WDR35: variants seen among roughly 807,000 people sequenced by gnomAD.
WDR35 encodes the protein WD repeat-containing protein 35.
A neutral mutation model predicts 158.3 loss-of-function variants in WDR35; 118 were observed. The observed-to-expected ratio is 0.75, with a 90% CI of 0.64 to 0.87. The LOEUF is 0.87. Among genes scored for constraint, WDR35 ranks in the 40% least tolerant of loss-of-function variants. The probability of loss-of-function intolerance (pLI) is 0.00; values close to 1 mark genes in which losing one functional copy is unlikely to be tolerated. For synonymous variants in WDR35, 448 were observed against 476.1 expected, an observed-to-expected ratio of 0.94 and a Z score of 0.77; for missense variants, 1,263 against 1,405.8, an observed-to-expected ratio of 0.90 and a Z score of 1.62.
At chr2:19,961,928 C>T (rs2103437735) in intron 10 of WDR35, among the ~76,000 whole-genome samples, 1 of 152,286 alleles carries the variant, frequency 6.6e-6, no homozygotes, top group Non-Finnish European at 1.5e-5. Flanking sequence ...GGCATCCATC[C>T]ACTTTACAGT....
At chr2:19,970,084 A>G (rs1671990854) in intron 8 of WDR35, among the ~76,000 whole-genome samples, 1 of 152,180 alleles carries the variant, frequency 6.6e-6, no homozygotes. Flanking sequence ...ACATGCATAT[A>G]AGAAAAATTT....
intron 25 of WDR35, among the ~76,000 whole-genome samples, chr2:19,927,694 CA>C (rs778544756): frequency 6.6e-6 from 1 of 152,214 alleles, no homozygotes; most frequent in Non-Finnish European, 1.5e-5. Flanking sequence ...GGACACTCTA[CA>C]AACTTGTTTT....
intron 8 of WDR35, 71 bp downstream of exon 8, chr2:19,973,491 GT>G (rs1672091638): frequency 1.3e-6 from 2 of 1,596,486 alleles, no homozygotes; most frequent in Middle Eastern, 1.7e-4. Context: ...CGTTTCCTTT[GT>G]TATTTTTTCC....
At chr2:19,961,567 G>A (rs1475076999) in intron 10 of WDR35, among the ~76,000 whole-genome samples, 1 of 152,154 alleles carries the variant, frequency 6.6e-6, no homozygotes, top group South Asian at 2.1e-4. Flanking sequence ...ATTGCAAAAG[G>A]AGATGAAACA....
chr2:19,980,155 G>A (rs1430422895), intron 4 of WDR35, among the ~76,000 whole-genome samples: 1 of 152,168 alleles, frequency 6.6e-6, no homozygotes, highest in African/African-American at 2.4e-5. Context: ...TACTAAATGT[G>A]TTTTTATCTA....
chr2:19,962,418 A>G, intron 10 of WDR35: 2 of 1,260,942 alleles, frequency 1.6e-6, no homozygotes, highest in Non-Finnish European at 2.3e-6. Flanking sequence ...AGTGGCTTAT[A>G]TACAAATAAT....
chr2:19,940,781 A>C (rs1312836455), intron 17 of WDR35, among the ~76,000 whole-genome samples: 1 of 152,064 alleles, frequency 6.6e-6, no homozygotes, highest in Non-Finnish European at 1.5e-5. Flanking sequence ...CAAAACAACA[A>C]CAAAAACACC....
chr2:19,948,993 C>G (rs1671150756), intron 13 of WDR35, among the ~76,000 whole-genome samples: 1 of 151,988 alleles, frequency 6.6e-6, no homozygotes, highest in Non-Finnish European at 1.5e-5. Flanking sequence ...ACACGCACAC[C>G]TATTAGCACA....
rs1240365537 is a variant in WDR35 at position 19,985,699 on chromosome 2, C to G, written c.143-3165G>C. 6.2e-5 allele frequency among the ~76,000 whole-genome samples: 9 copies of G among 146,262 alleles called. No homozygotes were observed. The Admixed American group carries it at 6.2e-4, about 10-fold the overall frequency. ...AGGAGATCACGACCATCCTGGCTAA[C>G]ACGGTGAAACCCCGTCTCTACTAAA... On this transcript the variant is annotated intron_variant, in intron 2 of 26. Transcript: ENST00000281405.
intron 26 of WDR35, 96 bp downstream of exon 26, chr2:19,913,941 A>T (rs181415364): frequency 6.4e-7 from 1 of 1,568,856 alleles, no homozygotes; most frequent in East Asian, 2.2e-5. Context: ...ATTGCTTCAA[A>T]ATTCAGTGCT....
At position 19,990,085 on chromosome 2, in the gene WDR35, C is replaced by G; in HGVS notation, c.-70G>C. ...CAAGTAACGGTTCTACGTCTCCAAT[C>G]GGGAGTACCAGCAGCTCCGGAAAGC... On this transcript the variant is annotated 5_prime_UTR_variant, in exon 1 of 27. Transcript: ENST00000281405. 1 of 1,594,702 alleles carries G rather than the reference C, an allele frequency of 6.3e-7. No homozygotes were observed. The highest frequency in any genetic ancestry group is 8.6e-7 in the Non-Finnish European group (1 of 1,169,142).
intron 2 of WDR35, among the ~76,000 whole-genome samples, chr2:19,985,899 G>GAAA (rs70939024): frequency 4.1e-4 from 29 of 71,188 alleles, no homozygotes; most frequent in African/African-American, 1.1e-3. Flanking sequence ...CCCATCTCGG[G>GAAA]AAAAAAAAAA....
intron 6 of WDR35, 117 bp downstream of exon 6, chr2:19,975,413 T>G (rs1672171931): frequency 6.6e-6 from 8 of 1,203,424 alleles, no homozygotes; most frequent in Non-Finnish European, 8.9e-6. Context: ...AAAATCTGAA[T>G]TGAAGACTTT....
intron 25 of WDR35, among the ~76,000 whole-genome samples, chr2:19,929,028 C>T (rs559230079): frequency 1.3e-5 from 2 of 152,160 alleles, no homozygotes; most frequent in African/African-American, 2.4e-5. Context: ...GGGATGCTCT[C>T]GATCTCCTGA....
At chr2:19,956,484 G>A (rs1294703882) in intron 11 of WDR35, among the ~76,000 whole-genome samples, 1 of 152,074 alleles carries the variant, frequency 6.6e-6, no homozygotes, top group Non-Finnish European at 1.5e-5. Flanking sequence ...TTTACTTACT[G>A]TAAGTTGAAA....
chr2:19,955,146 T>A (rs1042130326), intron 11 of WDR35, among the ~76,000 whole-genome samples: 1 of 151,830 alleles, frequency 6.6e-6, no homozygotes, highest in Non-Finnish European at 1.5e-5. Context: ...AGAGACGGGG[T>A]TTCACCATGT....
intron 10 of WDR35, among the ~76,000 whole-genome samples, chr2:19,965,654 C>T (rs1671825885): frequency 6.6e-6 from 1 of 152,208 alleles, no homozygotes; most frequent in African/African-American, 2.4e-5. Flanking sequence ...CCACCCTCAG[C>T]TCTGCTTGAT....
At chr2:19,955,330 A>C (rs1671392147) in intron 11 of WDR35, among the ~76,000 whole-genome samples, 1 of 152,200 alleles carries the variant, frequency 6.6e-6, no homozygotes, top group African/African-American at 2.4e-5. Flanking sequence ...CTAAACAAAT[A>C]ATTTTTAATA....
At chr2:19,969,310 A>G (rs536505210) in intron 9 of WDR35, among the ~76,000 whole-genome samples, 170 bp downstream of exon 9, 3 of 152,236 alleles carry the variant, frequency 2.0e-5, no homozygotes, top group Non-Finnish European at 4.4e-5. Flanking sequence ...GAGTAATTTT[A>G]CTAACTATAT....
Sources: allele counts gnomAD v4.1 joint callset (sites outside exome capture counted in the v4.1 genomes callset), GRCh38; gene constraint gnomAD v4.1.1; transcripts MANE v1.5; gene names NCBI Gene and HGNC (gene_info 2026-07-23, HGNC 2026-07-21).